The following CDH13 variants were observed in gnomAD, a reference collection of about 807,000 sequenced individuals.
The protein encoded by CDH13 is cadherin-13.
In CDH13, 24 loss-of-function variants were observed where a neutral mutation model predicts 63.8. The ratio of observed to expected loss-of-function variants is 0.38; its 90% CI spans 0.27 to 0.53. The LOEUF is 0.53. Among genes scored for constraint, CDH13 ranks in the 20% least tolerant of loss-of-function variants. The pLI, the probability that CDH13 is intolerant of heterozygous loss-of-function variation, is 0.85. For synonymous variants in CDH13, 503 were observed against 355.3 expected (o/e 1.42, Z -4.67); for missense variants, 1,049 against 903.1 (o/e 1.16, Z -2.07).
At chr16:83,678,633 G>A (rs1442101386) in intron 10 of CDH13, among the ~76,000 whole-genome samples, 172 bp downstream of exon 10, 3 of 152,196 alleles carry the variant, frequency 2.0e-5, no homozygotes, top group Admixed American at 2.0e-4. Flanking sequence ...CGGCTGCAGA[G>A]GGCCAGGCTC....
At chr16:82,759,037 A>AT (rs752335995) in intron 1 of CDH13, among the ~76,000 whole-genome samples, 3 of 152,120 alleles carry the variant, frequency 2.0e-5, no homozygotes, top group Non-Finnish European at 4.4e-5. Flanking sequence ...CTTTCTCAGC[A>AT]TTGGGGGCTT....
chr16:82,786,424 A>C (rs943286711), intron 1 of CDH13, among the ~76,000 whole-genome samples: 1 of 137,528 alleles, frequency 7.3e-6, no homozygotes, highest in African/African-American at 2.6e-5. Context: ...GATCCTCCAA[A>C]TCAGAAAACA....
intron 3 of CDH13, among the ~76,000 whole-genome samples, chr16:83,113,446 T>C (rs2035157213): frequency 6.6e-6 from 1 of 152,266 alleles, no homozygotes; most frequent in South Asian, 2.1e-4. Flanking sequence ...AGTAATATTT[T>C]AAGTGCTTTT....
chr16:83,545,540 A>C (rs1451408961), intron 7 of CDH13, among the ~76,000 whole-genome samples: 2 of 152,182 alleles, frequency 1.3e-5, no homozygotes, highest in Non-Finnish European at 2.9e-5. Flanking sequence ...ATGGCTGTTC[A>C]CAACCTGCCC....
chr16:83,716,420 C>T (rs946627418), intron 10 of CDH13, among the ~76,000 whole-genome samples: 2 of 152,192 alleles, frequency 1.3e-5, no homozygotes, highest in South Asian at 2.1e-4. Flanking sequence ...GTGCTCCACC[C>T]GTACATCCCT....
At chr16:83,099,617 C>A (rs1211979420) in intron 3 of CDH13, among the ~76,000 whole-genome samples, 1 of 151,046 alleles carries the variant, frequency 6.6e-6, no homozygotes, top group East Asian at 1.9e-4. Context: ...AGCCACCGTG[C>A]CGGGCCTCTA....
intron 6 of CDH13, among the ~76,000 whole-genome samples, chr16:83,434,951 A>ATAATATAT (rs1304257330): frequency 1.5e-3 from 212 of 145,036 alleles, no homozygotes; most frequent in Non-Finnish European, 2.4e-3. Flanking sequence ...ATTTATATAT[A>ATAATATAT]AAACATAGGG....
chr16:82,872,892 A>C (rs1028863854), intron 2 of CDH13, among the ~76,000 whole-genome samples: 1 of 152,232 alleles, frequency 6.6e-6, no homozygotes, highest in Non-Finnish European at 1.5e-5. Flanking sequence ...AAAGCTTTGA[A>C]TCAGATAAAA....
At chr16:83,339,793 C>T (rs1403351934) in intron 5 of CDH13, among the ~76,000 whole-genome samples, 1 of 152,182 alleles carries the variant, frequency 6.6e-6, no homozygotes, top group African/African-American at 2.4e-5. Context: ...CCAAGCTTTC[C>T]ACCGTGTGAG....
chr16:82,982,708 T>C (rs1357651934), intron 2 of CDH13, among the ~76,000 whole-genome samples: 1 of 152,214 alleles, frequency 6.6e-6, no homozygotes, highest in Non-Finnish European at 1.5e-5. Flanking sequence ...GTCGTCTCCC[T>C]GTGGCTGCAC....
chr16:82,965,306 T>A (rs562091619), intron 2 of CDH13, among the ~76,000 whole-genome samples: 1 of 152,342 alleles, frequency 6.6e-6, no homozygotes, highest in East Asian at 1.9e-4. Context: ...AATGCTCTTC[T>A]GAGCTTGGAG....
intron 5 of CDH13, among the ~76,000 whole-genome samples, chr16:83,293,397 C>G (rs2089510301): frequency 6.6e-6 from 1 of 152,154 alleles, no homozygotes; most frequent in Admixed American, 6.5e-5. Flanking sequence ...GTACATGAGG[C>G]AGCCTTGCCA....
At chr16:83,261,705 C>CTTTTT (rs34277110) in intron 5 of CDH13, among the ~76,000 whole-genome samples, 1 of 144,632 alleles carries the variant, frequency 6.9e-6, no homozygotes, top group African/African-American at 2.5e-5. Flanking sequence ...TTATTTTCCT[C>CTTTTT]TTTTTTTTTT....
chr16:82,803,593 A>T (rs566263968), intron 1 of CDH13, among the ~76,000 whole-genome samples: 1 of 152,344 alleles, frequency 6.6e-6, no homozygotes, highest in South Asian at 2.1e-4. Flanking sequence ...GGATGAAAAG[A>T]AGAATAATGA....
chr16:82,957,143 A>G (rs1036864709), intron 2 of CDH13, among the ~76,000 whole-genome samples: 6 of 152,184 alleles, frequency 3.9e-5, no homozygotes, highest in Admixed American at 2.6e-4. Flanking sequence ...GAAAGGGGAA[A>G]GGGGAGCCAT....
intron 5 of CDH13, among the ~76,000 whole-genome samples, chr16:83,326,390 C>G (rs1010885658): frequency 6.6e-6 from 1 of 150,652 alleles, no homozygotes; most frequent in Non-Finnish European, 1.5e-5. Context: ...CATCATTGTC[C>G]TAATGATTCA....
At chr16:82,668,163 C>A (rs1912825532) in intron 1 of CDH13, among the ~76,000 whole-genome samples, 1 of 152,084 alleles carries the variant, frequency 6.6e-6, no homozygotes, top group East Asian at 1.9e-4. Flanking sequence ...AGCATACAGA[C>A]CATGGGCTTG....
chr16:82,699,191 G>C (rs2030691688), intron 1 of CDH13, among the ~76,000 whole-genome samples: 1 of 152,176 alleles, frequency 6.6e-6, no homozygotes, highest in South Asian at 2.1e-4. Flanking sequence ...CATATGGGGA[G>C]AGATGGGAAC....
At chr16:83,089,559 A>G (rs1229041879) in intron 3 of CDH13, among the ~76,000 whole-genome samples, 2 of 152,340 alleles carry the variant, frequency 1.3e-5, no homozygotes, top group Non-Finnish European at 2.9e-5. Context: ...AGTTTCAGCA[A>G]TGAACCCCAG....
Sources: gnomAD v4.1 joint callset for allele counts (sites outside exome capture counted in the v4.1 genomes callset) on GRCh38, gnomAD v4.1.1 for gene constraint, MANE v1.5 for transcripts, NCBI Gene and HGNC (gene_info 2026-07-23, HGNC 2026-07-21) for gene names.